CDC25B: variants seen among roughly 807,000 people sequenced by gnomAD.
The protein encoded by CDC25B is M-phase inducer phosphatase 2.
A neutral mutation model predicts 69.8 loss-of-function variants in CDC25B; 33 were observed. The observed-to-expected ratio is 0.47, with a 90% CI of 0.36 to 0.63. CDC25B has a LOEUF of 0.63. CDC25B is among the 30% of genes least tolerant of loss of function. The probability of loss-of-function intolerance (pLI) is 0.00; values close to 1 mark genes in which losing one functional copy is unlikely to be tolerated. For synonymous variants in CDC25B, 341 were observed against 314.6 expected, an observed-to-expected ratio of 1.08 and a Z score of -0.89; for missense variants, 727 against 809.1, an observed-to-expected ratio of 0.90 and a Z score of 1.23.
chr20:3,796,149 G>GC, upstream of CDC25B: 1 of 1,113,062 alleles, frequency 9.0e-7, no homozygotes, highest in South Asian at 2.9e-5. Flanking sequence ...AATTCCTCCG[G>GC]CCCACCCAAA....
rs769405661 is a variant in CDC25B at position 3,804,927 on chromosome 20, G to C, written c.1709G>C (p.Arg570Pro). The C allele has an allele frequency of 6.2e-7, 1 of 1,613,616 alleles. No individual in the cohort carries two copies. The highest frequency in any genetic ancestry group is 1.7e-5 in the Admixed American group (1 of 60,030). The part of the protein sequence containing the change: ...KTRSWAGERS[R>P]RELCSRLQDQ ...CGCAGCTGGGCTGGGGAGCGGAGCC[G>C]GCGGGAGCTCTGTAGCCGGCTGCAG... The change falls in exon 16 of 16, where the codon CGG (arginine) becomes CCG (proline). Residue 570 changes from arginine (R) to proline (P), a missense_variant. This residue lies in a region of CDC25B where 359 missense variants were observed against 463.4 expected (regional missense o/e 0.77). Coordinates refer to ENST00000245960, the MANE Select transcript of CDC25B (RefSeq NM_021873.4).
rs780798464 is a variant in CDC25B, at chr20:3,802,898, C to T, written c.1195-12C>T. 37 of 1,610,420 alleles carry T rather than the reference C, an allele frequency of 2.3e-5. No homozygotes were observed. Among genetic ancestry groups the T allele is most frequent in the African/African-American group, 5.3e-5 (4 of 74,852 alleles). ...TTTCTCCCCTCTCCCTCATCCCTTC[C>T]GTTCCCTTCAGGCCTTCCTCCTACA... On this transcript the variant is annotated splice_polypyrimidine_tract_variant and intron_variant, in intron 11 of 15. Coordinates refer to ENST00000245960, the MANE Select transcript of CDC25B (RefSeq NM_021873.4).
upstream of CDC25B, among the ~76,000 whole-genome samples, chr20:3,791,740 C>A (rs1393653185): frequency 6.6e-6 from 1 of 152,128 alleles, no homozygotes; most frequent in African/African-American, 2.4e-5. Flanking sequence ...CCTAGGAATT[C>A]ATCTTGTAGA....
chr20:3,796,586 G>A lies in CDC25B; in HGVS notation c.55G>A (p.Val19Met). 1 of 1,448,768 alleles carries A rather than the reference G, an allele frequency of 6.9e-7. No individual in the cohort carries two copies. The allele number at this position is 1,448,768 out of a possible 1,614,324, so 89.7% of individuals were successfully genotyped here. Reference protein sequence around the residue: ...APGSALSPAGVCGGAQRPGHL... With the variant: ...APGSALSPAGMCGGAQRPGHL... ...AGGCTCGGCTCTCAGTCCAGCAGGCGTGTGCGGTGGCGCCCAGCGTCCGGG... is the reference window on the plus strand; with the variant it reads ...AGGCTCGGCTCTCAGTCCAGCAGGCATGTGCGGTGGCGCCCAGCGTCCGGG... The change falls in exon 1 of 16, where the codon GTG becomes ATG. Residue 19 changes from valine (V) to methionine (M), a missense_variant. This residue lies in a region of CDC25B where 368 missense variants were observed against 345.6 expected (regional missense o/e 1.06). Coordinates refer to ENST00000245960, the MANE Select transcript of CDC25B (RefSeq NM_021873.4).
chr20:3,800,339 C>G lies in CDC25B; in HGVS notation c.422+10C>G. The G allele has an allele frequency of 6.2e-7, 1 of 1,614,140 alleles. No individual in the cohort carries two copies. Among genetic ancestry groups the G allele is most frequent in the East Asian group, 2.2e-5 (1 of 44,862 alleles). ...GCCGGATCATTCGAAAGTAAGTGTT[C>G]CTGGGCCTCTTCCATCTACCACAAG... is the stretch of plus-strand genomic sequence containing the variant. On this transcript the variant is annotated intron_variant, in intron 4 of 15. Transcript: ENST00000245960.
rs774615192 is a variant in CDC25B, at chr20:3,803,194, C to T, written c.1344C>T (p.Gly448=). 15 of 1,612,086 alleles carry T rather than the reference C, an allele frequency of 9.3e-6. No homozygotes were observed. The highest frequency in any genetic ancestry group is 2.2e-5 in the East Asian group (1 of 44,872). Reference sequence around the variant, plus strand: ...GCAGATACCCCTATGAATATGAAGGCGGGCACATCAAGGTAAGATGGGGCA... The same window carrying T: ...GCAGATACCCCTATGAATATGAAGGTGGGCACATCAAGGTAAGATGGGGCA... ...VDCRYPYEYE[G]GHIKTAVNLP... is the part of the protein sequence containing the mutation. Residue 448 remains glycine (G), a synonymous_variant, in exon 13 of 16, where the codon GGC becomes GGT. Transcript: ENST00000245960. The surrounding 1 kb of genome is among the most constrained non-coding windows in gnomAD (Gnocchi z 4.9).
chr20:3,800,245 T>C lies in CDC25B; in HGVS notation c.381-43T>C, dbSNP rs778590749. On this transcript the variant is annotated intron_variant, in intron 3 of 15. Coordinates refer to ENST00000245960, the MANE Select transcript of CDC25B (RefSeq NM_021873.4). ...GCCTGGTGCTGGGGTGGGTGATGGG[T>C]GCGGAGGGAGCATGGGTTGCATGGG... The C allele has an allele frequency of 3.1e-6, 4 of 1,294,562 alleles. No individual in the cohort carries two copies. The South Asian group carries it at 4.9e-5, about 16-fold the overall frequency. 80.2% of individuals were successfully genotyped at this position (1,294,562 alleles called of 1,614,324 possible). A position where few individuals can be genotyped will look rare whatever the true frequency, so the allele number is the denominator to read the frequency against.
At position 3,796,525 on chromosome 20, in the gene CDC25B, C is replaced by A. The variant is rs11087603; in HGVS notation, c.-7C>A. 1 of 1,488,072 alleles carries A rather than the reference C, an allele frequency of 6.7e-7. No individual in the cohort carries two copies. The highest frequency in any genetic ancestry group is 8.9e-7 in the Non-Finnish European group (1 of 1,126,422). The allele number at this position is 1,488,072 out of a possible 1,614,324, so 92.2% of individuals were successfully genotyped here. On this transcript the variant is annotated 5_prime_UTR_variant, in exon 1 of 16. Transcript: ENST00000245960. Reference sequence around the variant, plus strand: ...CCTCCAGCCAGCCTTCTGCCGGCCCCGCCGCGATGGAGGTGCCCCAGCCGG... The same window carrying A: ...CCTCCAGCCAGCCTTCTGCCGGCCCAGCCGCGATGGAGGTGCCCCAGCCGG...
At chr20:3,788,633 T>C (rs979518885) in intron 1 of CDC25B, among the ~76,000 whole-genome samples, 4 of 152,222 alleles carry the variant, frequency 2.6e-5, no homozygotes, top group African/African-American at 9.6e-5. Context: ...GAGCACTGCT[T>C]GGCCCAAGAG....
At chr20:3,800,939 G>A in intron 6 of CDC25B, 32 bp from the exon 7 acceptor site, 1 of 1,613,162 alleles carries the variant, frequency 6.2e-7, no homozygotes, top group Non-Finnish European at 8.5e-7. Context: ...TCCCTGGCAT[G>A]TGAGGACCCT....
In CDC25B at chr20:3,805,920, C is replaced by T. The variant is rs1803263; in HGVS notation, c.*959C>T. Reference sequence around the variant, plus strand: ...AGCCTGCAGCAGGAATATATGTGTGCCTATTTGTGTGGACAAAAATATTTA... The same window carrying T: ...AGCCTGCAGCAGGAATATATGTGTGTCTATTTGTGTGGACAAAAATATTTA... On this transcript the variant is annotated 3_prime_UTR_variant, in exon 16 of 16. Coordinates refer to ENST00000245960, the MANE Select transcript of CDC25B (RefSeq NM_021873.4). 0.024 allele frequency: 9,780 copies of T among 403,130 alleles called. 833 individuals carry two copies. Among genetic ancestry groups the T allele is most frequent in the African/African-American group, 0.18 (8,867 of 48,848 alleles). The allele number at this position is 403,130 out of a possible 1,614,324, so 25.0% of individuals were successfully genotyped here.
At chr20:3,788,749 T>TTTCC (rs777249809) in intron 1 of CDC25B, among the ~76,000 whole-genome samples, 2 of 152,092 alleles carry the variant, frequency 1.3e-5, no homozygotes, top group African/African-American at 2.4e-5. Flanking sequence ...TCCTTGTTTC[T>TTTCC]TTCCTTCCTT....
upstream of CDC25B, among the ~76,000 whole-genome samples, chr20:3,792,498 G>A (rs944676880): frequency 6.6e-6 from 1 of 150,840 alleles, no homozygotes; most frequent in Non-Finnish European, 1.5e-5. Flanking sequence ...ACGGAGTCTT[G>A]CTCTTTTCGC....
intron 1 of CDC25B, among the ~76,000 whole-genome samples, chr20:3,789,790 T>C (rs184228933): frequency 0.033 from 5,028 of 152,088 alleles, 273 homozygotes; most frequent in African/African-American, 0.11. Context: ...GAGATCGAGA[T>C]CATCCTGGCT....
chr20:3,798,285 T>G, intron 2 of CDC25B, 127 bp from the exon 3 acceptor site: 1 of 573,864 alleles, frequency 1.7e-6, no homozygotes, highest in East Asian at 3.2e-5. Flanking sequence ...TGTTTCATTT[T>G]CTAATGTGTC....
chr20:3,796,452 T>A lies in CDC25B; in HGVS notation c.-80T>A, dbSNP rs1409313814. 2 of 741,450 alleles carry A rather than the reference T, an allele frequency of 2.7e-6. No individual in the cohort carries two copies. Among genetic ancestry groups the A allele is most frequent in the Admixed American group, 2.6e-4 (2 of 7,598 alleles). The allele number at this position is 741,450 out of a possible 1,614,324, so 45.9% of individuals were successfully genotyped here. A position where few individuals can be genotyped will look rare whatever the true frequency, so the allele number is the denominator to read the frequency against. Reference sequence around the variant, plus strand: ...CCCCACCCCTCGCCCGCTGCCTCCCTCGGCCCAGCCAGCTGTGCCGGCGTT... The same window carrying A: ...CCCCACCCCTCGCCCGCTGCCTCCCACGGCCCAGCCAGCTGTGCCGGCGTT... On this transcript the variant is annotated 5_prime_UTR_variant, in exon 1 of 16. Coordinates refer to ENST00000245960, the MANE Select transcript of CDC25B (RefSeq NM_021873.4).
chr20:3,806,027 C>T lies in CDC25B; in HGVS notation c.*1066C>T, dbSNP rs2089462982. 2.5e-6 allele frequency: 1 copy of T among 398,408 alleles called. No individual in the cohort carries two copies. Among genetic ancestry groups the T allele is most frequent in the Non-Finnish European group, 4.4e-6 (1 of 225,990 alleles). 24.7% of individuals were successfully genotyped at this position (398,408 alleles called of 1,614,324 possible). On this transcript the variant is annotated 3_prime_UTR_variant, in exon 16 of 16. Transcript: ENST00000245960. ...ACTGAGCACCCTCTGGATTCTGAAT[C>T]TCAAGATGGGGGCAGGGCTGTGCTT...
intron 1 of CDC25B, among the ~76,000 whole-genome samples, chr20:3,796,962 C>G (rs2146669467): frequency 6.6e-6 from 1 of 152,298 alleles, no homozygotes; most frequent in Admixed American, 6.5e-5. Flanking sequence ...CTGCACAAGC[C>G]TCTCCAAATC....
chr20:3,800,100 C>T (rs1240386532), intron 3 of CDC25B, among the ~76,000 whole-genome samples, 188 bp from the exon 4 acceptor site: 2 of 152,132 alleles, frequency 1.3e-5, no homozygotes, highest in East Asian at 1.9e-4. Context: ...CAAGCTGCCT[C>T]TTATCTTCCC....
Sources: allele counts gnomAD v4.1 joint callset (sites outside exome capture counted in the v4.1 genomes callset), GRCh38; gene constraint gnomAD v4.1.1; regional missense constraint gnomAD v4.1.1; non-coding constraint Gnocchi (gnomAD v3.1); transcripts MANE v1.5; gene names NCBI Gene and HGNC (gene_info 2026-07-23, HGNC 2026-07-21).